USP34: variants seen among roughly 807,000 people sequenced by gnomAD.
USP34 encodes ubiquitin carboxyl-terminal hydrolase 34.
Under a neutral mutation model 460.3 loss-of-function variants are expected in USP34, and 70 were observed. That is an observed-to-expected ratio of 0.15 (90% CI 0.13 to 0.19). USP34 has a LOEUF of 0.19. Among genes scored for constraint, USP34 ranks in the 10% least tolerant of loss-of-function variants. The pLI is 1.00. For missense variants in USP34, 3,985 were observed against 4,236.2 expected (o/e 0.94, Z 1.65); for synonymous variants, 1,647 against 1,405.3 (o/e 1.17, Z -3.85).
intron 10 of USP34, among the ~76,000 whole-genome samples, chr2:61,362,183 T>G (rs1183345162): frequency 2.0e-5 from 3 of 152,088 alleles, no homozygotes; most frequent in African/African-American, 7.2e-5. Context: ...TGTGGAGAAA[T>G]GGGAATCCTT....
chr2:61,262,558 TACC>T (rs1688923704), intron 43 of USP34, among the ~76,000 whole-genome samples: 2 of 152,204 alleles, frequency 1.3e-5, no homozygotes, highest in South Asian at 2.1e-4. Context: ...GCTGTATATG[TACC>T]ACATTTTCTT....
Position 61,295,148 on chromosome 2 carries a change from A to G in USP34, c.4377+20T>C. On this transcript the variant is annotated intron_variant, in intron 31 of 79. Transcript: ENST00000398571. ...AGAGAGAATACAAACATTTAATGAT[A>G]ATAATGGAAATGCAATTACCGTAGA... 2 of 1,601,636 alleles carry G rather than the reference A, an allele frequency of 1.2e-6. No homozygotes were observed. The highest frequency in any genetic ancestry group is 1.7e-6 in the Non-Finnish European group (2 of 1,176,602).
At chr2:61,196,007 A>T (rs1686792893) in intron 75 of USP34, among the ~76,000 whole-genome samples, 1 of 147,740 alleles carries the variant, frequency 6.8e-6, no homozygotes, top group Non-Finnish European at 1.5e-5. Context: ...CCTGGGCTCA[A>T]GCCGTTCTCC....
chr2:61,307,181 T>C (rs1443975459), intron 27 of USP34, among the ~76,000 whole-genome samples: 2 of 152,034 alleles, frequency 1.3e-5, no homozygotes, highest in Non-Finnish European at 2.9e-5. Flanking sequence ...TGGATGAAGC[T>C]GGAAACCATC....
chr2:61,320,338 C>T (rs1355755139), intron 21 of USP34, among the ~76,000 whole-genome samples: 1 of 152,134 alleles, frequency 6.6e-6, no homozygotes, highest in African/African-American at 2.4e-5. Context: ...CTCATACACA[C>T]ACCCATACTC....
In USP34 at chr2:61,190,659, C is replaced by T; in HGVS notation, c.9589-1G>A. On this transcript the variant is annotated splice_acceptor_variant, in intron 76 of 79. Transcript: ENST00000398571. LOFTEE classifies it high-confidence loss of function. The stretch of plus-strand genomic sequence containing the variant: ...TGATGCAGTTTTTTGACATAGCAGA[C>T]TAAAGTGGGGAGAAGATGGTTGAGC... 1 of 1,612,402 alleles carries T rather than the reference C, an allele frequency of 6.2e-7. No individual in the cohort carries two copies. The highest frequency in any genetic ancestry group is 8.5e-7 in the Non-Finnish European group (1 of 1,179,430).
At chr2:61,244,208 G>T (rs1360952209) in intron 51 of USP34, among the ~76,000 whole-genome samples, 1 of 152,164 alleles carries the variant, frequency 6.6e-6, no homozygotes, top group Non-Finnish European at 1.5e-5. Context: ...ACTAATATTT[G>T]TCTTGTGAGA....
chr2:61,448,176 A>G lies in USP34; in HGVS notation c.43+22474T>C, dbSNP rs141222134. ...CACTATCAATGAAAATGTCAACACA[A>G]TGAAAAACACAAACTGGCCAGGCAT... On this transcript the variant is annotated intron_variant, in intron 1 of 79. Transcript: ENST00000398571. Among the ~76,000 whole-genome samples the G allele has an allele frequency of 2.3e-3, 354 of 152,358 alleles. 1 individual carries two copies. The highest frequency in any genetic ancestry group is 8.2e-3 in the African/African-American group (340 of 41,582).
chr2:61,382,545 G>C (rs1257358689), intron 6 of USP34, among the ~76,000 whole-genome samples: 2 of 152,148 alleles, frequency 1.3e-5, no homozygotes, highest in Non-Finnish European at 2.9e-5. Flanking sequence ...ATCACTATCT[G>C]ATTCTTTGCC....
At chr2:61,263,613 C>A (rs886869573) in intron 43 of USP34, among the ~76,000 whole-genome samples, 33 of 152,216 alleles carry the variant, frequency 2.2e-4, no homozygotes, top group African/African-American at 7.0e-4. Flanking sequence ...TCCCAAATAG[C>A]TGGGATTAGA....
intron 15 of USP34, among the ~76,000 whole-genome samples, chr2:61,346,646 G>T (rs560101810): frequency 7.2e-6 from 1 of 139,124 alleles, no homozygotes; most frequent in Non-Finnish European, 1.5e-5. Context: ...CCAATATGGT[G>T]AAACCCCATC....
chr2:61,236,977 T>C (rs1430443219), intron 53 of USP34, among the ~76,000 whole-genome samples: 2 of 152,180 alleles, frequency 1.3e-5, no homozygotes, highest in East Asian at 1.9e-4. Flanking sequence ...ATACTTCTGA[T>C]TTTATTTTGG....
In USP34 at chr2:61,188,086, C is replaced by T; in HGVS notation, c.*16G>A. 6.3e-7 allele frequency: 1 copy of T among 1,597,774 alleles called. No homozygotes were observed. The highest frequency in any genetic ancestry group is 8.5e-7 in the Non-Finnish European group (1 of 1,171,780). ...TGGGGGTGAGGGACTTAAAAGTAGACATGCTACACCTAATGTCAAGAAGCA... is the reference window on the plus strand; with the variant it reads ...TGGGGGTGAGGGACTTAAAAGTAGATATGCTACACCTAATGTCAAGAAGCA... On this transcript the variant is annotated 3_prime_UTR_variant, in exon 80 of 80. Coordinates refer to ENST00000398571, the MANE Select transcript of USP34 (RefSeq NM_014709.4).
At chr2:61,202,412 C>T (rs1280794820) in intron 75 of USP34, among the ~76,000 whole-genome samples, 6 of 152,072 alleles carry the variant, frequency 3.9e-5, no homozygotes, top group South Asian at 2.1e-4. Context: ...AGGACACAGA[C>T]GCCTAGAACT....
chr2:61,322,554 C>T (rs1230306017), intron 21 of USP34, among the ~76,000 whole-genome samples: 1 of 152,186 alleles, frequency 6.6e-6, no homozygotes, highest in East Asian at 1.9e-4. Flanking sequence ...GTTCCAAACC[C>T]TGGGGTGGTG....
intron 41 of USP34, among the ~76,000 whole-genome samples, chr2:61,277,169 T>A (rs957439535): frequency 6.6e-6 from 1 of 152,066 alleles, no homozygotes; most frequent in Non-Finnish European, 1.5e-5. Flanking sequence ...AGGATATGAT[T>A]CACAGTTTAG....
chr2:61,341,884 T>C (rs1375706218), intron 16 of USP34, among the ~76,000 whole-genome samples: 2 of 150,898 alleles, frequency 1.3e-5, no homozygotes, highest in Non-Finnish European at 2.9e-5. Flanking sequence ...TGCCTCAGCG[T>C]CCCGAGTAGC....
rs1394799874 is a variant in USP34, at chr2:61,347,928, G to T, written c.2227C>A (p.Gln743Lys). ...TGGTGATGCTGTGGACCAATAAATT[G>T]TCGACAATTAAATAATTCATTCCCA... ...TIGNELFNCRQFIGPQHHHHH... is the reference protein window; with the variant it reads ...TIGNELFNCRKFIGPQHHHHH... The change falls in exon 15 of 80, where the codon CAA (glutamine) becomes AAA (lysine). Residue 743 changes from glutamine (Q) to lysine (K), a missense_variant. By Grantham distance (53) the Gln-to-Lys change is moderately conservative. Transcript: ENST00000398571. 1.4e-5 allele frequency: 22 copies of T among 1,613,908 alleles called. No homozygotes were observed. Among genetic ancestry groups the T allele is most frequent in the Non-Finnish European group, 1.8e-5 (21 of 1,180,012 alleles).
intron 61 of USP34, 85 bp downstream of exon 61, chr2:61,228,560 G>T: frequency 2.5e-6 from 3 of 1,207,740 alleles, no homozygotes; most frequent in East Asian, 2.4e-5. Flanking sequence ...GACTTTAAAG[G>T]GTTCTAACAT....
Sources: allele counts gnomAD v4.1 joint callset (sites outside exome capture counted in the v4.1 genomes callset), GRCh38; gene constraint gnomAD v4.1.1; transcripts MANE v1.5; gene names NCBI Gene and HGNC (gene_info 2026-07-23, HGNC 2026-07-21).